RASA2: variants seen among roughly 807,000 people sequenced by gnomAD.
RASA2 encodes ras GTPase-activating protein 2.
In RASA2, 155 loss-of-function variants were observed where a neutral mutation model predicts 118.2. That is an observed-to-expected ratio of 1.31 (90% CI 1.15 to 1.50). The LOEUF (loss-of-function observed/expected upper bound fraction) is 1.50. Among genes scored for constraint, RASA2 ranks in the 40% most tolerant of loss-of-function variants. The pLI, the probability that RASA2 is intolerant of heterozygous loss-of-function variation, is 0.00. For synonymous variants in RASA2, 353 were observed against 349.1 expected (o/e 1.01, Z -0.12); for missense variants, 1,016 against 1,009.6 (o/e 1.01, Z -0.09).
At position 141,555,930 on chromosome 3, in the gene RASA2, G is replaced by A. The variant is rs374972680; in HGVS notation, c.684+18G>A. The A allele has an allele frequency of 2.1e-5, 33 of 1,560,216 alleles. No homozygotes were observed. Among genetic ancestry groups the A allele is most frequent in the Middle Eastern group, 2.1e-4 (1 of 4,694 alleles). The stretch of plus-strand genomic sequence containing the variant: ...ATTTTGAGGTAATTTTTTGTTTTAC[G>A]TAAATGTTAACATTAAATATGTAAT... On this transcript the variant is annotated intron_variant, in intron 7 of 23. Transcript: ENST00000286364.
At chr3:141,532,431 C>T (rs1429141615) in intron 4 of RASA2, among the ~76,000 whole-genome samples, 1 of 152,132 alleles carries the variant, frequency 6.6e-6, no homozygotes, top group Admixed American at 6.6e-5. Flanking sequence ...TAAAGAGTTT[C>T]TTGGAATGTC....
At chr3:141,516,224 G>T in intron 2 of RASA2, 104 bp from the exon 3 acceptor site, 1 of 769,320 alleles carries the variant, frequency 1.3e-6, no homozygotes, top group Non-Finnish European at 1.7e-6. Flanking sequence ...ATTAAAAAAA[G>T]AAAGTGATAT....
intron 5 of RASA2, among the ~76,000 whole-genome samples, chr3:141,552,830 G>A (rs2082594137): frequency 6.6e-6 from 1 of 152,158 alleles, no homozygotes; most frequent in Admixed American, 6.5e-5. Flanking sequence ...AAATAAGGAT[G>A]TACTCAACAG....
intron 5 of RASA2, among the ~76,000 whole-genome samples, chr3:141,543,140 CTT>C (rs1018736508): frequency 6.6e-5 from 10 of 151,756 alleles, no homozygotes; most frequent in African/African-American, 2.4e-4. Flanking sequence ...TACTTGAACA[CTT>C]TTTAGAATTC....
At chr3:141,531,805 T>C (rs77713846) in intron 4 of RASA2, among the ~76,000 whole-genome samples, 405 of 152,148 alleles carry the variant, frequency 2.7e-3, no homozygotes, top group African/African-American at 7.7e-3. Context: ...ATAACACTTT[T>C]GGGTTAATAT....
intron 4 of RASA2, among the ~76,000 whole-genome samples, chr3:141,532,909 T>C (rs554568492): frequency 6.6e-6 from 1 of 152,300 alleles, no homozygotes; most frequent in African/African-American, 2.4e-5. Flanking sequence ...GTTTTTTTTC[T>C]TTCCCTTTCA....
chr3:141,540,409 G>T, intron 4 of RASA2, 124 bp from the exon 5 acceptor site: 1 of 629,060 alleles, frequency 1.6e-6, no homozygotes, highest in Non-Finnish European at 2.7e-6. Flanking sequence ...CAAGTACTTA[G>T]TGTAGGCAAA....
chr3:141,541,276 C>G (rs1354407943), intron 5 of RASA2, among the ~76,000 whole-genome samples: 1 of 152,138 alleles, frequency 6.6e-6, no homozygotes, highest in Non-Finnish European at 1.5e-5. Context: ...GTTTTTCTAT[C>G]ATGTCCACAT....
intron 9 of RASA2, among the ~76,000 whole-genome samples, chr3:141,570,217 CTTT>C (rs35327031): frequency 1.4e-5 from 2 of 145,806 alleles, no homozygotes; most frequent in Non-Finnish European, 3.0e-5. Flanking sequence ...GTCTTATCTA[CTTT>C]TTTTTTTTTG....
intron 19 of RASA2, among the ~76,000 whole-genome samples, chr3:141,598,641 T>C (rs1353529464): frequency 6.6e-6 from 1 of 152,222 alleles, no homozygotes; most frequent in Non-Finnish European, 1.5e-5. Context: ...TAACTGAATT[T>C]AATTTAGCAA....
At chr3:141,573,718 T>C (rs1274691404) in intron 13 of RASA2, among the ~76,000 whole-genome samples, 1 of 152,232 alleles carries the variant, frequency 6.6e-6, no homozygotes, top group Non-Finnish European at 1.5e-5. Context: ...GGTTTATTCA[T>C]AGATTCACCT....
intron 4 of RASA2, among the ~76,000 whole-genome samples, chr3:141,531,201 A>G (rs182121712): frequency 3.5e-4 from 53 of 152,218 alleles, no homozygotes; most frequent in Admixed American, 3.1e-3. Flanking sequence ...AAGGCATGAT[A>G]GGAAAAGGCT....
At chr3:141,608,464 CTT>C (rs768194482) in intron 20 of RASA2, 23 bp from the exon 21 acceptor site, 4 of 1,607,476 alleles carry the variant, frequency 2.5e-6, no homozygotes, top group Non-Finnish European at 2.6e-6. Flanking sequence ...TTGTCACTAA[CTT>C]TTTATCTTAA....
intron 13 of RASA2, among the ~76,000 whole-genome samples, chr3:141,573,722 T>C (rs1405757692): frequency 6.6e-6 from 1 of 152,248 alleles, no homozygotes; most frequent in East Asian, 1.9e-4. Context: ...TATTCATAGA[T>C]TCACCTCTTA....
chr3:141,611,959 C>T (rs1452186716), intron 23 of RASA2, among the ~76,000 whole-genome samples: 1 of 152,126 alleles, frequency 6.6e-6, no homozygotes, highest in Non-Finnish European at 1.5e-5. Flanking sequence ...ATACCACTTC[C>T]CAGCTTTATT....
At chr3:141,555,760 G>GCT in intron 6 of RASA2, 80 bp from the exon 7 acceptor site, 1 of 1,205,376 alleles carries the variant, frequency 8.3e-7, no homozygotes, top group Non-Finnish European at 1.2e-6. Flanking sequence ...TGGAGGTCAG[G>GCT]CTCCCTGGTT....
At chr3:141,515,350 T>C (rs2151083284) in intron 2 of RASA2, among the ~76,000 whole-genome samples, 1 of 152,240 alleles carries the variant, frequency 6.6e-6, no homozygotes, top group African/African-American at 2.4e-5. Flanking sequence ...AAGACAAGGA[T>C]GGTATGAATG....
chr3:141,496,747 G>A (rs558605539), intron 1 of RASA2, among the ~76,000 whole-genome samples: 185 of 152,342 alleles, frequency 1.2e-3, no homozygotes, highest in African/African-American at 4.3e-3. Flanking sequence ...TGTTGTGGAA[G>A]TCAGTGTGGC....
intron 1 of RASA2, among the ~76,000 whole-genome samples, chr3:141,498,777 T>C (rs2081738376): frequency 6.6e-6 from 1 of 152,196 alleles, no homozygotes; most frequent in Admixed American, 6.5e-5. Flanking sequence ...AGCACCTGGC[T>C]TTTTGCCTTC....
Sources: gnomAD v4.1 joint callset for allele counts (sites outside exome capture counted in the v4.1 genomes callset) on GRCh38, gnomAD v4.1.1 for gene constraint, MANE v1.5 for transcripts, NCBI Gene and HGNC (gene_info 2026-07-23, HGNC 2026-07-21) for gene names.